The following FARP2 variants were observed in gnomAD, a reference collection of about 807,000 sequenced individuals.
FARP2 encodes the protein FERM, ARHGEF and pleckstrin domain-containing protein 2.
In FARP2, 111 loss-of-function variants were observed where a neutral mutation model predicts 130.5. That is an observed-to-expected ratio of 0.85 (90% CI 0.73 to 1.00). The LOEUF (loss-of-function observed/expected upper bound fraction) is 1.00. Ranked by LOEUF, FARP2 falls within the 50% of genes least tolerant of loss-of-function variation. The pLI is 0.00. For missense variants in FARP2, 1,385 were observed against 1,346.3 expected, an observed-to-expected ratio of 1.03 and a Z score of -0.45; for synonymous variants, 504 against 516.9, an observed-to-expected ratio of 0.98 and a Z score of 0.34.
chr2:241,491,612 C>G lies in FARP2; in HGVS notation c.2720C>G (p.Thr907Ser). The stretch of plus-strand genomic sequence containing the variant: ...GGGCATGGCCAGCACCGGGCCAACA[C>G]CACAATGCACGTGTGCTGGTACCGG... ...LEGHGQHRAN[T>S]TMHVCWYRNT... The change falls in exon 24 of 27, where the codon ACC becomes AGC. Residue 907 changes from threonine to serine, a missense_variant. Thr to Ser is a moderately conservative substitution (Grantham distance 58). Coordinates refer to ENST00000264042, the MANE Select transcript of FARP2 (RefSeq NM_014808.4). 6.2e-7 allele frequency: 1 copy of G among 1,613,738 alleles called. No homozygotes were observed. Among genetic ancestry groups the G allele is most frequent in the Non-Finnish European group, 8.5e-7 (1 of 1,179,972 alleles).
At chr2:241,364,109 A>G (rs1462280948) in intron 1 of FARP2, among the ~76,000 whole-genome samples, 2 of 152,242 alleles carry the variant, frequency 1.3e-5, no homozygotes, top group Non-Finnish European at 2.9e-5. Context: ...TGTCTAGATT[A>G]TCCAGGTGGG....
chr2:241,465,603 G>A, intron 17 of FARP2: 5 of 1,550,712 alleles, frequency 3.2e-6, no homozygotes, highest in Non-Finnish European at 4.4e-6. Flanking sequence ...CAACAGTGCA[G>A]GTCGTGCATT....
At chr2:241,483,956 A>T (rs1030649237) in intron 20 of FARP2, 15 of 1,302,186 alleles carry the variant, frequency 1.2e-5, no homozygotes, top group Non-Finnish European at 2.9e-6. Flanking sequence ...AAACATGTGG[A>T]TGAGGAGGTA....
intron 2 of FARP2, among the ~76,000 whole-genome samples, chr2:241,392,247 A>T (rs1003846121): frequency 1.3e-5 from 2 of 152,224 alleles, no homozygotes; most frequent in African/African-American, 4.8e-5. Flanking sequence ...AAGCCCAGAA[A>T]TGGGGAGAGA....
intron 12 of FARP2, among the ~76,000 whole-genome samples, chr2:241,440,096 A>G (rs2150413344): frequency 6.6e-6 from 1 of 152,358 alleles, no homozygotes; most frequent in East Asian, 1.9e-4. Context: ...GGTTAATCTT[A>G]TGGACTGTGG....
intron 13 of FARP2, among the ~76,000 whole-genome samples, chr2:241,450,238 C>T (rs1239547653): frequency 1.3e-5 from 2 of 152,032 alleles, no homozygotes; most frequent in Admixed American, 6.6e-5. Flanking sequence ...TGACATGTGC[C>T]TGTGATTCCA....
chr2:241,457,403 G>T (rs1469581981), intron 14 of FARP2, among the ~76,000 whole-genome samples: 1 of 143,526 alleles, frequency 7.0e-6, no homozygotes, highest in African/African-American at 2.7e-5. Context: ...TTGGGTTCCG[G>T]AGAGGCTCTT....
intron 2 of FARP2, among the ~76,000 whole-genome samples, chr2:241,383,822 G>A (rs991666478): frequency 2.0e-5 from 3 of 152,092 alleles, no homozygotes; most frequent in African/African-American, 7.2e-5. Flanking sequence ...GGAGCCCATG[G>A]GAAGAGCTGC....
intron 2 of FARP2, among the ~76,000 whole-genome samples, chr2:241,397,288 A>C (rs1014787651): frequency 1.3e-5 from 2 of 152,144 alleles, no homozygotes; most frequent in Non-Finnish European, 2.9e-5. Flanking sequence ...TACATATGTA[A>C]CTAACCTGCA....
intron 1 of FARP2, among the ~76,000 whole-genome samples, chr2:241,364,744 C>T (rs1017453179): frequency 6.6e-6 from 1 of 152,098 alleles, no homozygotes; most frequent in African/African-American, 2.4e-5. Context: ...TTCTTTAAAT[C>T]AGTTTTTTGT....
At chr2:241,470,577 G>C (rs543908223) in intron 18 of FARP2, among the ~76,000 whole-genome samples, 1 of 151,106 alleles carries the variant, frequency 6.6e-6, no homozygotes, top group East Asian at 2.0e-4. Flanking sequence ...TCTGTTTTGA[G>C]GGAAACACTA....
At chr2:241,399,331 A>G (rs1281676715) in intron 2 of FARP2, among the ~76,000 whole-genome samples, 1 of 152,120 alleles carries the variant, frequency 6.6e-6, no homozygotes, top group Non-Finnish European at 1.5e-5. Flanking sequence ...TTTGAGACGG[A>G]GTCTAGCTCT....
In FARP2 at chr2:241,413,407, C is replaced by G. The variant is rs2062578994; in HGVS notation, c.609C>G (p.Phe203Leu). 1.2e-6 allele frequency: 2 copies of G among 1,607,230 alleles called. No individual in the cohort carries two copies. Among genetic ancestry groups the G allele is most frequent in the South Asian group, 2.2e-5 (2 of 89,608 alleles). Residue 203 changes from phenylalanine to leucine, a missense_variant, in exon 7 of 27, where the codon TTC becomes TTG. By Grantham distance (22) the Phe-to-Leu change is conservative. Transcript: ENST00000264042. The part of the protein sequence containing the change: ...QQHCLEKILE[F>L]HQKHVGQTPA... ...ACTGCCTTGAGAAGATACTAGAATT[C>G]CATCAGAAGCACGTGTAAGTCATCA...
rs59018619 is a variant in FARP2 at position 241,428,046 on chromosome 2, A to C, written c.772-3633A>C. Reference sequence around the variant, plus strand: ...CTCCCAAAGTGCTGGGATTACAGGCATGAGCCACCACGCCCAGCCTAGGCC... The same window carrying C: ...CTCCCAAAGTGCTGGGATTACAGGCCTGAGCCACCACGCCCAGCCTAGGCC... On this transcript the variant is annotated intron_variant, in intron 8 of 26. Coordinates refer to ENST00000264042, the MANE Select transcript of FARP2 (RefSeq NM_014808.4). Among the ~76,000 whole-genome samples the C allele has an allele frequency of 0.01, 1,527 of 151,414 alleles. 85 individuals are homozygous for C. The East Asian group carries it at 0.13, about 12-fold the overall frequency.
At chr2:241,429,048 C>T (rs1162432691) in intron 8 of FARP2, among the ~76,000 whole-genome samples, 1 of 152,216 alleles carries the variant, frequency 6.6e-6, no homozygotes, top group East Asian at 1.9e-4. Context: ...CCTAACCTTG[C>T]TGCCTCTTAC....
chr2:241,468,568 G>A (rs2064233647), intron 18 of FARP2, among the ~76,000 whole-genome samples, 191 bp downstream of exon 18: 1 of 152,248 alleles, frequency 6.6e-6, no homozygotes, highest in Admixed American at 6.5e-5. Flanking sequence ...CAGAGGGCAG[G>A]TCCCAGGCTA....
intron 13 of FARP2, among the ~76,000 whole-genome samples, chr2:241,449,974 T>A (rs1314634777): frequency 2.0e-5 from 3 of 147,704 alleles, no homozygotes; most frequent in Admixed American, 6.9e-5. Flanking sequence ...TCCATTGCAC[T>A]CCAGCCTGGG....
chr2:241,373,452 C>T (rs1246925878), intron 2 of FARP2, among the ~76,000 whole-genome samples, 162 bp downstream of exon 2: 1 of 152,126 alleles, frequency 6.6e-6, no homozygotes, highest in Non-Finnish European at 1.5e-5. Context: ...CTGAATTTCT[C>T]CTTTTATTTG....
Position 241,399,885 on chromosome 2 carries a change from A to G in FARP2, c.184-3943A>G, listed in dbSNP as rs1025231584. 9.2e-5 allele frequency among the ~76,000 whole-genome samples: 14 copies of G among 152,302 alleles called. No individual in the cohort carries two copies. In the East Asian group the frequency reaches 2.5e-3, roughly 27 times the overall value. The stretch of plus-strand genomic sequence containing the variant: ...CTTATTTTCACCTGTATGGATATGC[A>G]GTTTCCCTGGCACCATTCATGAAAA... On this transcript the variant is annotated intron_variant, in intron 2 of 26. Transcript: ENST00000264042.
Sources: allele counts gnomAD v4.1 joint callset (sites outside exome capture counted in the v4.1 genomes callset), GRCh38; gene constraint gnomAD v4.1.1; transcripts MANE v1.5; gene names NCBI Gene and HGNC (gene_info 2026-07-23, HGNC 2026-07-21).